The following ANXA1 variants were observed in gnomAD, a reference collection of about 807,000 sequenced individuals.
The protein encoded by ANXA1 is annexin A1, also known as annexin I (lipocortin I).
ANXA1 carries 39 observed loss-of-function variants against 47.9 expected under a neutral mutation model. The observed-to-expected ratio is 0.81, with a 90% CI of 0.63 to 1.06. ANXA1 has a LOEUF of 1.06. ANXA1 is among the 50% of genes least tolerant of loss of function. The probability of loss-of-function intolerance (pLI) is 0.00; values close to 1 mark genes in which losing one functional copy is unlikely to be tolerated. For missense variants in ANXA1, 446 were observed against 422.7 expected, an observed-to-expected ratio of 1.06 and a Z score of -0.48; for synonymous variants, 146 against 142.5, an observed-to-expected ratio of 1.02 and a Z score of -0.17.
chr9:73,163,644 T>C (rs1824180996), intron 8 of ANXA1, 112 bp downstream of exon 8: 1 of 1,036,042 alleles, frequency 9.7e-7, no homozygotes, highest in African/African-American at 1.6e-5. Context: ...ACCAATGGCT[T>C]CTTAATGTTC....
chr9:73,154,713 G>A (rs1158125189), intron 1 of ANXA1, among the ~76,000 whole-genome samples: 1 of 152,150 alleles, frequency 6.6e-6, no homozygotes, highest in Non-Finnish European at 1.5e-5. Context: ...TGCTGGGATT[G>A]CAGGTGTGAG....
In ANXA1 at chr9:73,165,148, G is replaced by A. The variant is rs1287389258; in HGVS notation, c.645G>A (p.Gly215=). Residue 215 remains glycine (G), a synonymous_variant, in exon 9 of 13, where the codon GGG becomes GGA. Coordinates refer to ENST00000257497, the MANE Select transcript of ANXA1 (RefSeq NM_000700.3). ...ALYEAGERRK[G]TDVNVFNTIL... ...ATGAAGCAGGAGAAAGGAGAAAGGGGACAGACGTAAACGTGTTCAATACCA... is the reference window on the plus strand; with the variant it reads ...ATGAAGCAGGAGAAAGGAGAAAGGGAACAGACGTAAACGTGTTCAATACCA... 2.5e-6 allele frequency: 4 copies of A among 1,612,626 alleles called. No homozygotes were observed. The highest frequency in any genetic ancestry group is 3.4e-6 in the Non-Finnish European group (4 of 1,179,088).
At chr9:73,159,831 A>G (rs1824108702) in intron 4 of ANXA1, 1 of 158,064 alleles carries the variant, frequency 6.3e-6, no homozygotes, top group South Asian at 2.0e-4. Flanking sequence ...GTAGTTTTCT[A>G]AAGCAATGAA....
At chr9:73,168,176 A>G (rs1339136277) in intron 11 of ANXA1, 2 of 148,150 alleles carry the variant, frequency 1.3e-5, no homozygotes, top group African/African-American at 5.3e-5. Context: ...GAGAGAGAGA[A>G]AGAAAGATCT....
At chr9:73,168,859 A>G in intron 11 of ANXA1, 173 bp from the exon 12 acceptor site, 1 of 525,422 alleles carries the variant, frequency 1.9e-6, no homozygotes, top group Admixed American at 3.9e-5. Flanking sequence ...ATTTATTTTC[A>G]TTTCATTACC....
rs989584267 is a variant in ANXA1 at position 73,163,577 on chromosome 9, C to T, written c.612+45C>T. 5 of 1,594,252 alleles carry T rather than the reference C, an allele frequency of 3.1e-6. No individual in the cohort carries two copies. In the South Asian group the frequency reaches 3.3e-5, roughly 11 times the overall value. ...ATACTGCTGCAGTTCATCTTCCTACCTTAAGTGGGGCTACCACATGATCCC... is the reference window on the plus strand; with the variant it reads ...ATACTGCTGCAGTTCATCTTCCTACTTTAAGTGGGGCTACCACATGATCCC... On this transcript the variant is annotated intron_variant, in intron 8 of 12. Coordinates refer to ENST00000257497, the MANE Select transcript of ANXA1 (RefSeq NM_000700.3).
intron 11 of ANXA1, 22 bp from the exon 12 acceptor site, chr9:73,169,010 T>C (rs1351782758): frequency 1.3e-6 from 2 of 1,593,358 alleles, no homozygotes; most frequent in Admixed American, 1.8e-5. Flanking sequence ...ATGAGACACT[T>C]ACCCTCATTT....
chr9:73,160,297 G>A lies in ANXA1; in HGVS notation c.305G>A (p.Gly102Asp). The A allele has an allele frequency of 1.9e-6, 3 of 1,580,130 alleles. No individual in the cohort carries two copies. The highest frequency in any genetic ancestry group is 1.2e-5 in the South Asian group (1 of 85,306). Residue 102 changes from glycine (G) to aspartate (D), a missense_variant, in exon 5 of 13, where the codon GGT (glycine) becomes GAT (aspartate). Transcript: ENST00000257497. ...LDETLKKALT[G>D]HLEEVVLALL... The stretch of plus-strand genomic sequence containing the variant: ...GAAACACTGAAGAAAGCCCTTACAG[G>A]TCACCTTGAGGAGGTTGTTTTAGCT...
chr9:73,152,271 T>C (rs1823984557), intron 1 of ANXA1, among the ~76,000 whole-genome samples: 1 of 152,158 alleles, frequency 6.6e-6, no homozygotes. Context: ...CCTTGAAATA[T>C]TTCTTCCCAA....
chr9:73,154,271 A>G lies in ANXA1; in HGVS notation c.-15+2347A>G, dbSNP rs1248686473. On this transcript the variant is annotated intron_variant, in intron 1 of 12. Coordinates refer to ENST00000257497, the MANE Select transcript of ANXA1 (RefSeq NM_000700.3). Reference sequence around the variant, plus strand: ...GCACAAGGCCGTGCATTTAAAAATAAACTCCCTAAGGCTGGGGTGAAACCT... The same window carrying G: ...GCACAAGGCCGTGCATTTAAAAATAGACTCCCTAAGGCTGGGGTGAAACCT... The G allele has an allele frequency of 5.9e-6, 8 of 1,358,594 alleles. No homozygotes were observed. The Admixed American group carries it at 1.5e-4, about 26-fold the overall frequency. 84.2% of individuals were successfully genotyped at this position (1,358,594 alleles called of 1,614,324 possible). A position where few individuals can be genotyped will look rare whatever the true frequency, so the allele number is the denominator to read the frequency against.
At position 73,169,056 on chromosome 9, in the gene ANXA1, T is replaced by A. The variant is rs779798345; in HGVS notation, c.886T>A (p.Leu296Met). ...MKGVGTRHKA[L>M]IRIMVSRSEI... The stretch of plus-strand genomic sequence containing the variant: ...GGGTGTTGGAACTCGCCATAAGGCA[T>A]TGATCAGGATTATGGTTTCCCGTTC... Residue 296 changes from leucine (L) to methionine (M), a missense_variant, in exon 12 of 13, where the codon TTG becomes ATG. Transcript: ENST00000257497. The A allele has an allele frequency of 1.8e-5, 29 of 1,612,756 alleles. No homozygotes were observed. The highest frequency in any genetic ancestry group is 3.3e-5 in the Admixed American group (2 of 59,800).
At chr9:73,168,278 T>C (rs1048722133) in intron 11 of ANXA1, 3 of 152,164 alleles carry the variant, frequency 2.0e-5, no homozygotes, top group African/African-American at 7.2e-5. Context: ...TGCTCTGTAG[T>C]GGTTAGCATA....
intron 5 of ANXA1, 59 bp downstream of exon 5, chr9:73,160,435 T>C: frequency 8.4e-7 from 1 of 1,192,662 alleles, no homozygotes; most frequent in South Asian, 1.6e-5. Context: ...GGCAAGTCAC[T>C]TATGCTTATG....
chr9:73,158,113 C>T (rs12379009), intron 1 of ANXA1: 1 of 175,924 alleles, frequency 5.7e-6, no homozygotes, highest in East Asian at 1.5e-4. Context: ...CACACACTAG[C>T]TTTAAGTCCT....
chr9:73,159,405 T>C lies in ANXA1; in HGVS notation c.252T>C (p.Tyr84=). Residue 84 remains tyrosine, a synonymous_variant, in exon 4 of 13, where the codon TAT becomes TAC. Coordinates refer to ENST00000257497, the MANE Select transcript of ANXA1 (RefSeq NM_000700.3). ...AGCGTCAACAGATCAAAGCAGCATA[T>C]CTCCAGGAAACAGGAAAGGTAAGTT... ...NAQRQQIKAA[Y]LQETGKPLDE... The C allele has an allele frequency of 6.2e-7, 1 of 1,612,968 alleles. No individual in the cohort carries two copies. Among genetic ancestry groups the C allele is most frequent in the South Asian group, 1.1e-5 (1 of 91,028 alleles).
intron 1 of ANXA1, among the ~76,000 whole-genome samples, chr9:73,155,888 G>T (rs1824037860): frequency 6.6e-6 from 1 of 150,828 alleles, no homozygotes; most frequent in Admixed American, 6.6e-5. Flanking sequence ...CTTGTGTTAT[G>T]TAATTAATAT....
Position 73,163,518 on chromosome 9 carries a change from G to A in ANXA1, c.598G>A (p.Asp200Asn). ...CTTTGGTGTGAATGAAGACTTGGCT[G>A]ATTCAGATGCCAGGGTAAGGAAGTG... ...EDFGVNEDLADSDARALYEAG... is the reference protein window; with the variant it reads ...EDFGVNEDLANSDARALYEAG... Residue 200 changes from aspartate to asparagine, a missense_variant, in exon 8 of 13, where the codon GAT becomes AAT. By Grantham distance (23) the Asp-to-Asn change is conservative. Transcript: ENST00000257497. 1 of 1,612,818 alleles carries A rather than the reference G, an allele frequency of 6.2e-7. No individual in the cohort carries two copies. Among genetic ancestry groups the A allele is most frequent in the Non-Finnish European group, 8.5e-7 (1 of 1,179,102 alleles).
intron 6 of ANXA1, among the ~76,000 whole-genome samples, chr9:73,162,156 C>A (rs1297496968): frequency 6.6e-6 from 1 of 152,150 alleles, no homozygotes; most frequent in Admixed American, 6.6e-5. Context: ...CTGCCCCCAT[C>A]ATCCAAACAT....
chr9:73,160,950 C>A, intron 6 of ANXA1, 57 bp downstream of exon 6: 1 of 1,201,286 alleles, frequency 8.3e-7, no homozygotes, highest in Non-Finnish European at 1.2e-6. Context: ...ATCTAATATA[C>A]TTTCTTAAAA....
Sources: allele counts gnomAD v4.1 joint callset (sites outside exome capture counted in the v4.1 genomes callset), GRCh38; gene constraint gnomAD v4.1.1; transcripts MANE v1.5; gene names NCBI Gene and HGNC (gene_info 2026-07-23, HGNC 2026-07-21).